The following FOXO3 variants were observed in gnomAD, a reference collection of about 807,000 sequenced individuals.
FOXO3 encodes forkhead box protein O3.
A neutral mutation model predicts 41.9 loss-of-function variants in FOXO3; 4 were observed. The observed-to-expected ratio is 0.10, with a 90% CI of 0.05 to 0.22. FOXO3 has a LOEUF of 0.22. Among genes scored for constraint, FOXO3 ranks in the 10% least tolerant of loss-of-function variants. The pLI, the probability that FOXO3 is intolerant of heterozygous loss-of-function variation, is 1.00. For missense variants in FOXO3, 534 were observed against 906.8 expected (o/e 0.59, Z 5.28); for synonymous variants, 318 against 389.3 (o/e 0.82, Z 2.16).
At chr6:108,582,486 T>A (rs1020793164) in intron 1 of FOXO3, among the ~76,000 whole-genome samples, 3 of 152,232 alleles carry the variant, frequency 2.0e-5, no homozygotes, top group Admixed American at 2.0e-4. Context: ...AAAAATTTTG[T>A]GTTTCCTGCC....
intron 1 of FOXO3, among the ~76,000 whole-genome samples, chr6:108,596,237 A>G (rs1776878866): frequency 6.6e-6 from 1 of 152,052 alleles, no homozygotes; most frequent in African/African-American, 2.4e-5. Flanking sequence ...TTGAGGAATA[A>G]TGGACCTGTT....
intron 1 of FOXO3, among the ~76,000 whole-genome samples, chr6:108,637,135 A>G (rs1013212359): frequency 2.0e-5 from 3 of 152,210 alleles, no homozygotes; most frequent in African/African-American, 7.2e-5. Context: ...AAAGAAATAA[A>G]ATAAATTGAG....
chr6:108,634,553 C>T (rs1319246013), intron 1 of FOXO3, among the ~76,000 whole-genome samples: 1 of 152,108 alleles, frequency 6.6e-6, no homozygotes, highest in Non-Finnish European at 1.5e-5. Context: ...AGGTTGTGTA[C>T]TTGGGTCCTT....
intron 1 of FOXO3, among the ~76,000 whole-genome samples, chr6:108,631,815 A>G (rs1171619787): frequency 1.3e-5 from 2 of 152,174 alleles, no homozygotes; most frequent in East Asian, 1.9e-4. Flanking sequence ...GTACAAAATA[A>G]CTGTTCTTTA....
chr6:108,615,215 G>C (rs1777461932), intron 1 of FOXO3, among the ~76,000 whole-genome samples: 1 of 151,982 alleles, frequency 6.6e-6, no homozygotes, highest in Admixed American at 6.6e-5. Flanking sequence ...ATTCCTTTAA[G>C]TTCAGATGCC....
At chr6:108,632,490 T>G (rs1241466029) in intron 1 of FOXO3, among the ~76,000 whole-genome samples, 1 of 152,216 alleles carries the variant, frequency 6.6e-6, no homozygotes, top group Non-Finnish European at 1.5e-5. Context: ...AATTTCTCTT[T>G]CTCCCCTAAC....
At chr6:108,566,872 T>G (rs965909759) in intron 1 of FOXO3, among the ~76,000 whole-genome samples, 1 of 152,226 alleles carries the variant, frequency 6.6e-6, no homozygotes, top group Non-Finnish European at 1.5e-5. Context: ...ATGTTACAGC[T>G]GGTATACAGT....
chr6:108,669,980 C>G (rs1779169640), intron 2 of FOXO3, among the ~76,000 whole-genome samples: 1 of 152,168 alleles, frequency 6.6e-6, no homozygotes, highest in Non-Finnish European at 1.5e-5. Context: ...TTAGAGTGTT[C>G]ATAATGCTCA....
At chr6:108,657,969 A>G (rs756773961) in intron 1 of FOXO3, among the ~76,000 whole-genome samples, 10 of 152,154 alleles carry the variant, frequency 6.6e-5, no homozygotes, top group Non-Finnish European at 1.5e-4. Flanking sequence ...CATTCCCAGG[A>G]TGTGAAACCC....
intron 1 of FOXO3, among the ~76,000 whole-genome samples, chr6:108,628,339 C>T (rs1777870186): frequency 6.6e-6 from 1 of 152,184 alleles, no homozygotes; most frequent in Non-Finnish European, 1.5e-5. Context: ...AAAATTACCT[C>T]CATGTACTCT....
intron 1 of FOXO3, among the ~76,000 whole-genome samples, chr6:108,609,785 T>C (rs1271765221): frequency 2.0e-5 from 3 of 152,206 alleles, no homozygotes; most frequent in African/African-American, 4.8e-5. Context: ...TTACAGGTCT[T>C]TGAGTTGTAG....
In FOXO3 at chr6:108,561,381, C is replaced by T. The variant is rs369034038; in HGVS notation, c.173C>T (p.Pro58Leu). 1.1e-5 allele frequency: 17 copies of T among 1,555,252 alleles called. No homozygotes were observed. The highest frequency in any genetic ancestry group is 7.2e-5 in the East Asian group (3 of 41,664). ...GAGACGGCCGCCGACTCCATGATCCCCGAGGAGGAGGACGATGAAGACGAC... is the reference window on the plus strand; with the variant it reads ...GAGACGGCCGCCGACTCCATGATCCTCGAGGAGGAGGACGATGAAGACGAC... ...SGETAADSMI[P>L]EEEDDEDDED... The change falls in exon 1 of 3, where the codon CCC (proline) becomes CTC (leucine). Residue 58 changes from proline (P) to leucine (L), a missense_variant. This residue lies in a region of FOXO3 where 139 missense variants were observed against 163.7 expected (regional missense o/e 0.85). Transcript: ENST00000406360.
At chr6:108,607,209 T>C (rs568236791) in intron 1 of FOXO3, among the ~76,000 whole-genome samples, 31 of 152,200 alleles carry the variant, frequency 2.0e-4, no homozygotes, top group Non-Finnish European at 4.4e-4. Context: ...CCCAGCACTT[T>C]GGAAGGCCAA....
At chr6:108,622,070 A>G (rs999118136) in intron 1 of FOXO3, among the ~76,000 whole-genome samples, 5 of 151,970 alleles carry the variant, frequency 3.3e-5, no homozygotes, top group Non-Finnish European at 7.4e-5. Flanking sequence ...TAGCCTGGCC[A>G]ATATGATGAA....
chr6:108,615,699 A>T (rs1047316364), intron 1 of FOXO3, among the ~76,000 whole-genome samples: 1 of 151,894 alleles, frequency 6.6e-6, no homozygotes, highest in Non-Finnish European at 1.5e-5. Flanking sequence ...TTATGATCTC[A>T]ATTACACATA....
intron 1 of FOXO3, among the ~76,000 whole-genome samples, chr6:108,657,095 G>T (rs952315722): frequency 5.3e-5 from 8 of 152,272 alleles, no homozygotes; most frequent in African/African-American, 1.9e-4. Flanking sequence ...CACCTAACGG[G>T]TTTCTGCCCC....
chr6:108,646,162 G>A (rs1314909544), intron 1 of FOXO3, among the ~76,000 whole-genome samples: 1 of 152,124 alleles, frequency 6.6e-6, no homozygotes, highest in African/African-American at 2.4e-5. Context: ...AAAACAGCAC[G>A]AATGAAGAGA....
At chr6:108,585,944 G>A (rs1243748241) in intron 1 of FOXO3, among the ~76,000 whole-genome samples, 3 of 152,152 alleles carry the variant, frequency 2.0e-5, no homozygotes, top group Non-Finnish European at 4.4e-5. Flanking sequence ...AGAGATGAGG[G>A]ACACATGCCT....
At chr6:108,622,536 G>A (rs540585628) in intron 1 of FOXO3, among the ~76,000 whole-genome samples, 1 of 152,086 alleles carries the variant, frequency 6.6e-6, no homozygotes, top group Non-Finnish European at 1.5e-5. Context: ...TTTTTGTTTT[G>A]TTTTATTTGT....
Sources: allele counts gnomAD v4.1 joint callset (sites outside exome capture counted in the v4.1 genomes callset), GRCh38; gene constraint gnomAD v4.1.1; regional missense constraint gnomAD v4.1.1; transcripts MANE v1.5; gene names NCBI Gene and HGNC (gene_info 2026-07-23, HGNC 2026-07-21).